CFAP47: variants seen among roughly 807,000 people sequenced by gnomAD.
CFAP47 encodes the protein cilia- and flagella-associated protein 47.
CFAP47 carries 29 observed loss-of-function variants against 148.1 expected under a neutral mutation model. The ratio of observed to expected loss-of-function variants is 0.20; its 90% CI spans 0.15 to 0.27. CFAP47 has a LOEUF of 0.27. Ranked by LOEUF, CFAP47 falls within the 10% of genes least tolerant of loss-of-function variation. The pLI, the probability that CFAP47 is intolerant of heterozygous loss-of-function variation, is 1.00. For missense variants in CFAP47, 1,872 were observed against 1,697.5 expected (o/e 1.10, Z -1.81); for synonymous variants, 664 against 577.3 (o/e 1.15, Z -2.15).
intron 21 of CFAP47, among the ~76,000 whole-genome samples, chrX:36,011,939 C>T (rs761062303): frequency 6.3e-5 from 7 of 111,359 alleles, no homozygotes; most frequent in African/African-American, 9.8e-5. Context: ...GCCTGTGTCC[C>T]GAATGGTTTT....
intron 29 of CFAP47, among the ~76,000 whole-genome samples, chrX:36,075,332 GTTC>G (rs757322626): frequency 4.6e-5 from 5 of 109,725 alleles, no homozygotes; most frequent in Non-Finnish European, 9.5e-5. Context: ...GGCTCAAGCA[GTTC>G]TTCTGCCTCA....
intron 26 of CFAP47, among the ~76,000 whole-genome samples, chrX:36,057,650 G>T (rs1052612960): frequency 1.8e-5 from 2 of 110,869 alleles, no homozygotes; most frequent in African/African-American, 3.3e-5. Context: ...TTATTGAAAC[G>T]GGCATGCAAA....
chrX:36,153,172 T>G (rs887438396), intron 37 of CFAP47, among the ~76,000 whole-genome samples: 1 of 111,906 alleles, frequency 8.9e-6, no homozygotes, highest in South Asian at 3.7e-4. Context: ...ATAAGTTATA[T>G]TCTTCCAAAA....
chrX:36,006,946 G>A (rs1375373888), intron 21 of CFAP47, among the ~76,000 whole-genome samples: 1 of 111,821 alleles, frequency 8.9e-6, no homozygotes, highest in Non-Finnish European at 1.9e-5. Flanking sequence ...AGATTCACAC[G>A]TGGCTATTGT....
rs782441255 is a variant in CFAP47, at chrX:36,359,875, G to A, written c.8852-1455G>A. ...ACACCATTCTTGTGCCTCAGCCTCC[G>A]GAGTAGCTGGGACTACAGGTGCCCG... On this transcript the variant is annotated intron_variant, in intron 60 of 63. Transcript: ENST00000378653. Among the ~76,000 whole-genome samples the A allele has an allele frequency of 1.1e-3, 117 of 110,781 alleles. No individual in the cohort carries two copies. The South Asian group carries it at 0.019, about 18-fold the overall frequency.
intron 57 of CFAP47, among the ~76,000 whole-genome samples, chrX:36,331,667 T>C (rs73460166): frequency 0.041 from 4,600 of 111,474 alleles, 225 homozygotes; most frequent in African/African-American, 0.14. Context: ...TTTATTTTTG[T>C]CTCACTGCAA....
chrX:36,189,939 TC>T (rs1399305502), intron 41 of CFAP47, 111 bp from the exon 42 acceptor site: 3 of 286,704 alleles, frequency 1.0e-5, no homozygotes, highest in Non-Finnish European at 1.8e-5. Flanking sequence ...CATATCATCT[TC>T]TAATCTTACA....
At chrX:36,328,449 A>G (rs1213031747) in intron 57 of CFAP47, among the ~76,000 whole-genome samples, 2 of 112,373 alleles carry the variant, frequency 1.8e-5, no homozygotes, top group Admixed American at 1.9e-4. Context: ...GTAGATATTG[A>G]AAAGCTTGTT....
intron 49 of CFAP47, among the ~76,000 whole-genome samples, chrX:36,267,321 G>T (rs1198062693): frequency 9.0e-6 from 1 of 111,022 alleles, no homozygotes; most frequent in African/African-American, 3.3e-5. Context: ...AAAAAAGCTA[G>T]GTAGAGTGCT....
intron 22 of CFAP47, among the ~76,000 whole-genome samples, chrX:36,027,085 C>CAT (rs1414775877): frequency 2.5e-4 from 25 of 100,103 alleles, no homozygotes; most frequent in African/African-American, 8.8e-4. Flanking sequence ...AATCTGTCAT[C>CAT]ATATATATAT....
At chrX:36,099,920 A>G in intron 32 of CFAP47, 41 bp downstream of exon 32, 1 of 679,031 alleles carries the variant, frequency 1.5e-6, no homozygotes. Flanking sequence ...CTGTTGATTA[A>G]TATGAATCAT....
chrX:36,155,869 C>T (rs1272601208), intron 37 of CFAP47, among the ~76,000 whole-genome samples: 1 of 110,956 alleles, frequency 9.0e-6, no homozygotes, highest in Non-Finnish European at 1.9e-5. Flanking sequence ...CAACACTACT[C>T]GCAAATGCTT....
At chrX:36,175,916 G>A (rs1015380560) in intron 39 of CFAP47, among the ~76,000 whole-genome samples, 2 of 113,051 alleles carry the variant, frequency 1.8e-5, no homozygotes, top group Non-Finnish European at 3.7e-5. Flanking sequence ...CCGCCTTGCA[G>A]TTTGATCTCA....
At chrX:36,215,597 G>T (rs868951972) in intron 45 of CFAP47, among the ~76,000 whole-genome samples, 1 of 111,517 alleles carries the variant, frequency 9.0e-6, no homozygotes, top group Non-Finnish European at 1.9e-5. Flanking sequence ...TAAAAAAATT[G>T]GAGGAGGCAC....
At chrX:35,938,750 AG>A (rs1935955194) in intron 2 of CFAP47, among the ~76,000 whole-genome samples, 1 of 111,792 alleles carries the variant, frequency 8.9e-6, no homozygotes, top group African/African-American at 3.2e-5. Context: ...AACTCCGTAA[AG>A]TTATAGGGTA....
intron 46 of CFAP47, among the ~76,000 whole-genome samples, chrX:36,235,001 C>T (rs1289275381): frequency 4.5e-5 from 5 of 110,937 alleles, no homozygotes; most frequent in African/African-American, 6.6e-5. Context: ...AGTACCCGGC[C>T]GTGTGAGGTG....
chrX:35,941,613 A>C (rs1936011118), intron 3 of CFAP47, among the ~76,000 whole-genome samples: 1 of 111,686 alleles, frequency 9.0e-6, no homozygotes, highest in African/African-American at 3.2e-5. Flanking sequence ...TGATTAATAC[A>C]GTCAGAAAAT....
intron 50 of CFAP47, among the ~76,000 whole-genome samples, chrX:36,284,165 A>G (rs16987441): frequency 0.057 from 6,388 of 111,504 alleles, 159 homozygotes; most frequent in Middle Eastern, 0.12. Flanking sequence ...GCCTTCCTTA[A>G]TAATCTCTCA....
intron 26 of CFAP47, among the ~76,000 whole-genome samples, chrX:36,064,433 A>T (rs770683053): frequency 7.1e-5 from 8 of 112,167 alleles, no homozygotes; most frequent in Non-Finnish European, 1.3e-4. Context: ...TGTTTATATC[A>T]ATGTATAAAG....
Sources: allele counts gnomAD v4.1 joint callset (sites outside exome capture counted in the v4.1 genomes callset), GRCh38; gene constraint gnomAD v4.1.1; transcripts MANE v1.5; gene names NCBI Gene and HGNC (gene_info 2026-07-23, HGNC 2026-07-21).